Variants in CDH8 observed in about 807,000 individuals in gnomAD.
The protein encoded by CDH8 is cadherin-8.
CDH8 carries 17 observed loss-of-function variants against 68.1 expected under a neutral mutation model. That is an observed-to-expected ratio of 0.25 (90% CI 0.17 to 0.37). The LOEUF is 0.37. Among genes scored for constraint, CDH8 ranks in the 10% least tolerant of loss-of-function variants. The probability of loss-of-function intolerance (pLI) is 1.00; values close to 1 mark genes in which losing one functional copy is unlikely to be tolerated. For synonymous variants in CDH8, 372 were observed against 365.1 expected (o/e 1.02, Z -0.21); for missense variants, 763 against 999.3 (o/e 0.76, Z 3.19).
At chr16:61,710,329 A>G (rs1964608036) in intron 10 of CDH8, among the ~76,000 whole-genome samples, 1 of 152,038 alleles carries the variant, frequency 6.6e-6, no homozygotes, top group Non-Finnish European at 1.5e-5. Context: ...TGAGACAGAA[A>G]TCTATCAGAC....
intron 2 of CDH8, among the ~76,000 whole-genome samples, chr16:61,917,398 C>T (rs1260586302): frequency 1.3e-5 from 2 of 152,118 alleles, no homozygotes; most frequent in African/African-American, 4.8e-5. Flanking sequence ...GGGCTCTGTT[C>T]CTGTCCCTCC....
chr16:61,720,452 C>T (rs563048104), intron 9 of CDH8, among the ~76,000 whole-genome samples: 4 of 150,894 alleles, frequency 2.7e-5, no homozygotes, highest in Non-Finnish European at 5.9e-5. Context: ...ATATATCAGT[C>T]CGTAATAGCC....
At chr16:61,778,119 C>T (rs535926425) in intron 8 of CDH8, among the ~76,000 whole-genome samples, 2 of 152,152 alleles carry the variant, frequency 1.3e-5, no homozygotes, top group South Asian at 2.1e-4. Context: ...ACCTGAATTT[C>T]ACTGCCCACT....
chr16:61,981,748 C>T (rs952797078), intron 2 of CDH8, among the ~76,000 whole-genome samples: 5 of 151,792 alleles, frequency 3.3e-5, no homozygotes, highest in Non-Finnish European at 5.9e-5. Context: ...GATGTGGGAG[C>T]ATGGAGAATT....
At chr16:61,866,567 A>G (rs1220949295) in intron 3 of CDH8, among the ~76,000 whole-genome samples, 1 of 148,388 alleles carries the variant, frequency 6.7e-6, no homozygotes, top group Non-Finnish European at 1.5e-5. Flanking sequence ...ATAGAATTAT[A>G]TAGTGTGTGT....
chr16:61,841,346 A>G (rs551458459), intron 4 of CDH8, among the ~76,000 whole-genome samples: 1 of 152,308 alleles, frequency 6.6e-6, no homozygotes, highest in South Asian at 2.1e-4. Context: ...TTCAGCCATA[A>G]AAAGAGAATG....
At chr16:61,942,488 A>G (rs1340730985) in intron 2 of CDH8, among the ~76,000 whole-genome samples, 9 of 152,142 alleles carry the variant, frequency 5.9e-5, no homozygotes, top group African/African-American at 1.9e-4. Flanking sequence ...CAGGTTACAG[A>G]GTGAGACTGC....
At chr16:61,749,966 T>C (rs1960117041) in intron 8 of CDH8, among the ~76,000 whole-genome samples, 1 of 152,052 alleles carries the variant, frequency 6.6e-6, no homozygotes, top group African/African-American at 2.4e-5. Context: ...CCTGGGTATA[T>C]TTTGTGATGC....
chr16:61,766,153 C>A (rs914885819), intron 8 of CDH8, among the ~76,000 whole-genome samples: 1 of 151,660 alleles, frequency 6.6e-6, no homozygotes, highest in Admixed American at 6.6e-5. Context: ...CACCCTACCC[C>A]CTTCTGAGTT....
intron 10 of CDH8, chr16:61,692,930 G>C (rs1964258467): frequency 6.6e-6 from 1 of 152,090 alleles, no homozygotes. Flanking sequence ...GGTCAACTGA[G>C]TCATAGAGTA....
intron 3 of CDH8, among the ~76,000 whole-genome samples, chr16:61,893,250 G>A (rs778380524): frequency 1.3e-5 from 2 of 152,062 alleles, no homozygotes; most frequent in Non-Finnish European, 2.9e-5. Context: ...GATCGACACC[G>A]ATCATTGGAC....
At chr16:62,003,427 A>G (rs961550224) in intron 2 of CDH8, among the ~76,000 whole-genome samples, 50 of 152,196 alleles carry the variant, frequency 3.3e-4, no homozygotes, top group African/African-American at 1.2e-3. Context: ...TTTATATGCA[A>G]TCTCCTTACA....
At chr16:61,841,549 GATTGTTAACATCT>G (rs1962684077) in intron 4 of CDH8, among the ~76,000 whole-genome samples, 1 of 152,126 alleles carries the variant, frequency 6.6e-6, no homozygotes, top group Admixed American at 6.6e-5. Context: ...AGGGAGTGGG[GATTGTTAACATCT>G]AGAAAATAAA....
intron 10 of CDH8, among the ~76,000 whole-genome samples, chr16:61,684,114 A>T (rs1364505883): frequency 6.6e-6 from 1 of 151,472 alleles, no homozygotes; most frequent in African/African-American, 2.4e-5. Context: ...TTTTCCCCTT[A>T]CTCTCTTACA....
chr16:61,793,445 C>T (rs1040819183), intron 7 of CDH8, among the ~76,000 whole-genome samples: 2 of 151,782 alleles, frequency 1.3e-5, no homozygotes, highest in African/African-American at 4.8e-5. Flanking sequence ...CAGTGTTCCC[C>T]TTTATGTGTC....
intron 2 of CDH8, among the ~76,000 whole-genome samples, chr16:61,932,915 A>G (rs1325211578): frequency 6.6e-6 from 1 of 152,206 alleles, no homozygotes; most frequent in African/African-American, 2.4e-5. Context: ...TTTAATGTCT[A>G]TGAAGCTTCC....
At chr16:61,891,520 A>G (rs775524700) in intron 3 of CDH8, among the ~76,000 whole-genome samples, 2 of 152,178 alleles carry the variant, frequency 1.3e-5, no homozygotes, top group Non-Finnish European at 2.9e-5. Flanking sequence ...ACCTTTGAAT[A>G]GCACAAAAAT....
At chr16:62,033,471 C>T (rs1183915762) in intron 1 of CDH8, among the ~76,000 whole-genome samples, 1 of 152,130 alleles carries the variant, frequency 6.6e-6, no homozygotes, top group African/African-American at 2.4e-5. Flanking sequence ...ACCAGAAATG[C>T]AGCCAAGAAA....
intron 2 of CDH8, among the ~76,000 whole-genome samples, chr16:61,949,310 G>GT (rs1399023325): frequency 3.3e-5 from 5 of 152,054 alleles, no homozygotes; most frequent in African/African-American, 1.2e-4. Flanking sequence ...TCAGCACTCT[G>GT]TGCTAGCTAA....
Sources: allele counts gnomAD v4.1 joint callset (sites outside exome capture counted in the v4.1 genomes callset), GRCh38; gene constraint gnomAD v4.1.1; transcripts MANE v1.5; gene names NCBI Gene and HGNC (gene_info 2026-07-23, HGNC 2026-07-21).